Variants in NDUFAF6 observed in about 807,000 individuals in gnomAD.
The protein encoded by NDUFAF6 is NADH:ubiquinone oxidoreductase complex assembly factor 6, also known as NADH dehydrogenase (ubiquinone) complex I, assembly factor 6.
In NDUFAF6, 45 loss-of-function variants were observed where a neutral mutation model predicts 40.8. The observed-to-expected ratio is 1.10, with a 90% CI of 0.87 to 1.42. The LOEUF is 1.42. Among genes scored for constraint, NDUFAF6 ranks in the 40% most tolerant of loss-of-function variants. The probability of loss-of-function intolerance (pLI) is 0.00; values close to 1 mark genes in which losing one functional copy is unlikely to be tolerated. For synonymous variants in NDUFAF6, 185 were observed against 155.9 expected, an observed-to-expected ratio of 1.19 and a Z score of -1.39; for missense variants, 435 against 418.5, an observed-to-expected ratio of 1.04 and a Z score of -0.34.
At chr8:94,956,992 G>A (rs1823136515), upstream of NDUFAF6, among the ~76,000 whole-genome samples, 1 of 152,088 alleles carries the variant, frequency 6.6e-6, no homozygotes, top group South Asian at 2.1e-4. Flanking sequence ...CCAATGTGGT[G>A]AAACCCCATC....
chr8:94,990,755 A>G (rs1356279325), intron 2 of NDUFAF6, among the ~76,000 whole-genome samples: 5 of 152,244 alleles, frequency 3.3e-5, no homozygotes, highest in African/African-American at 4.8e-5. Flanking sequence ...CAATTGGTCA[A>G]CTTGACAAAT....
chr8:95,105,078 G>C (rs201944219), downstream of NDUFAF6, among the ~76,000 whole-genome samples: 551 of 28,604 alleles, frequency 0.019, 3 homozygotes, highest in African/African-American at 0.04. Flanking sequence ...GAGAGAGAGA[G>C]AGAGAGAGAG....
At chr8:94,998,024 A>C (rs1043960980) in intron 2 of NDUFAF6, among the ~76,000 whole-genome samples, 12 of 152,182 alleles carry the variant, frequency 7.9e-5, no homozygotes, top group Non-Finnish European at 8.8e-5. Flanking sequence ...CTCTTGAGTT[A>C]GAGGGAATGC....
At chr8:95,051,849 G>A (rs531197758) in intron 7 of NDUFAF6, among the ~76,000 whole-genome samples, 1 of 152,320 alleles carries the variant, frequency 6.6e-6, no homozygotes, top group South Asian at 2.1e-4. Context: ...GTCTAAGCTA[G>A]GGGTGCACAG....
Position 94,970,479 on chromosome 8 carries a change from G to C in NDUFAF6, c.-198-10380G>C, listed in dbSNP as rs182670831. Reference sequence around the variant, plus strand: ...GGTGGCTCACAGCTGTAATCCCAGTGGCTCAGGAGGCTGAGGCAAGAGAAT... The same window carrying C: ...GGTGGCTCACAGCTGTAATCCCAGTCGCTCAGGAGGCTGAGGCAAGAGAAT... On this transcript the variant is annotated intron_variant, in intron 1 of 9. Transcript: ENST00000396111. Among the ~76,000 whole-genome samples, 292 of 151,892 alleles carry C rather than the reference G, an allele frequency of 1.9e-3. 1 individual carries two copies. Among genetic ancestry groups the C allele is most frequent in the African/African-American group, 6.8e-3 (283 of 41,428 alleles).
At chr8:95,047,481 T>C (rs989223130) in intron 6 of NDUFAF6, among the ~76,000 whole-genome samples, 2 of 151,850 alleles carry the variant, frequency 1.3e-5, no homozygotes, top group African/African-American at 4.8e-5. Context: ...AATATCTGTT[T>C]ATGAGGACTT....
At chr8:94,900,585 A>G (rs182476608) in intron 1 of NDUFAF6, among the ~76,000 whole-genome samples, 30 of 152,288 alleles carry the variant, frequency 2.0e-4, no homozygotes, top group African/African-American at 7.2e-4. Context: ...GAGAGAACAG[A>G]AAAGTCCGGC....
chr8:94,935,341 G>A (rs564292653), intron 1 of NDUFAF6, among the ~76,000 whole-genome samples: 113 of 152,272 alleles, frequency 7.4e-4, no homozygotes, highest in African/African-American at 2.6e-3. Flanking sequence ...TAAGGTACAC[G>A]ATAGAACAGT....
At chr8:95,117,609 C>G (rs1374672408), downstream of NDUFAF6, among the ~76,000 whole-genome samples, 1 of 152,276 alleles carries the variant, frequency 6.6e-6, no homozygotes, top group Non-Finnish European at 1.5e-5. Context: ...CCAGTGTTCA[C>G]CAGTGTATCA....
rs1470506547 is a variant in NDUFAF6 at position 95,074,253 on chromosome 8, G to C, written c.*512-1380G>C. ...AAAATGGATATATTCCAGCTGATTAGTCTCAACGTTTTCAGGGCCACATAC... is the reference window on the plus strand; with the variant it reads ...AAAATGGATATATTCCAGCTGATTACTCTCAACGTTTTCAGGGCCACATAC... On this transcript the variant is annotated intron_variant and NMD_transcript_variant, in intron 9 of 9. Coordinates refer to the NDUFAF6 transcript ENST00000520757. Among the ~76,000 whole-genome samples, 3 of 152,078 alleles carry C rather than the reference G, an allele frequency of 2.0e-5. No individual in the cohort carries two copies. The East Asian group carries it at 5.8e-4, about 29-fold the overall frequency.
At chr8:95,005,655 C>T (rs372368135) in intron 2 of NDUFAF6, among the ~76,000 whole-genome samples, 59 of 150,512 alleles carry the variant, frequency 3.9e-4, no homozygotes, top group African/African-American at 1.4e-3. Context: ...TTGAATAAGA[C>T]TGTTAGGAAT....
At chr8:95,080,753 C>T (rs1808833846), downstream of NDUFAF6, among the ~76,000 whole-genome samples, 2 of 152,002 alleles carry the variant, frequency 1.3e-5, no homozygotes, top group Non-Finnish European at 1.5e-5. Context: ...AGCAATCCTC[C>T]CACTTTGGCC....
chr8:94,972,391 G>A (rs572485227), intron 1 of NDUFAF6, among the ~76,000 whole-genome samples: 3 of 152,098 alleles, frequency 2.0e-5, no homozygotes, highest in South Asian at 2.1e-4. Context: ...ACAGGCGTGC[G>A]CCACACCAGG....
At chr8:95,088,942 A>G (rs1809154874) in intron 2 of NDUFAF6, among the ~76,000 whole-genome samples, 1 of 150,646 alleles carries the variant, frequency 6.6e-6, no homozygotes, top group Non-Finnish European at 1.5e-5. Context: ...GTATTTTTTT[A>G]GTAGAGACAG....
downstream of NDUFAF6, among the ~76,000 whole-genome samples, chr8:95,076,718 A>G (rs558051267): frequency 4.9e-4 from 75 of 152,244 alleles, 1 homozygote; most frequent in Non-Finnish European, 2.4e-4. Flanking sequence ...TACTAAAAAT[A>G]CAAAATTAGC....
intron 2 of NDUFAF6, among the ~76,000 whole-genome samples, chr8:95,089,655 A>G (rs893223563): frequency 3.3e-5 from 5 of 152,070 alleles, no homozygotes; most frequent in Non-Finnish European, 7.4e-5. Flanking sequence ...CGTAACACAG[A>G]CTAGGATATG....
intron 1 of NDUFAF6, among the ~76,000 whole-genome samples, chr8:94,976,855 A>T (rs934117140): frequency 3.3e-5 from 5 of 152,202 alleles, no homozygotes; most frequent in Non-Finnish European, 5.9e-5. Context: ...CCATACAATT[A>T]AAAATGGTTC....
At chr8:94,936,395 T>G (rs183163654) in intron 1 of NDUFAF6, among the ~76,000 whole-genome samples, 1 of 152,316 alleles carries the variant, frequency 6.6e-6, no homozygotes, top group East Asian at 1.9e-4. Context: ...GGAGCTGGAT[T>G]CCACACTGCC....
chr8:95,015,638 ATT>A, intron 2 of NDUFAF6, among the ~76,000 whole-genome samples: 1 of 152,240 alleles, frequency 6.6e-6, no homozygotes, highest in African/African-American at 2.4e-5. Flanking sequence ...AACTATTCAT[ATT>A]GATAGGCACT....
Sources: allele counts gnomAD v4.1 joint callset (sites outside exome capture counted in the v4.1 genomes callset), GRCh38; gene constraint gnomAD v4.1.1; transcripts MANE v1.5; gene names NCBI Gene and HGNC (gene_info 2026-07-23, HGNC 2026-07-21).